Variants in HS6ST3 observed in about 807,000 individuals in gnomAD.
The protein encoded by HS6ST3 is heparan-sulfate 6-O-sulfotransferase 3.
Under a neutral mutation model 36.7 loss-of-function variants are expected in HS6ST3, and 12 were observed. The ratio of observed to expected loss-of-function variants is 0.33; its 90% CI spans 0.21 to 0.53. HS6ST3 has a LOEUF of 0.53. Ranked by LOEUF, HS6ST3 falls within the 20% of genes least tolerant of loss-of-function variation. The pLI is 0.95. For synonymous variants in HS6ST3, 240 were observed against 257.5 expected (o/e 0.93, Z 0.65); for missense variants, 584 against 640.9 (o/e 0.91, Z 0.96).
chr13:96,567,287 A>G (rs1314339780), intron 1 of HS6ST3, among the ~76,000 whole-genome samples: 1 of 152,154 alleles, frequency 6.6e-6, no homozygotes, highest in East Asian at 1.9e-4. Flanking sequence ...ACCCACTCAT[A>G]ATCACATCAC....
chr13:96,112,972 C>A (rs1054852114), intron 1 of HS6ST3, among the ~76,000 whole-genome samples: 3 of 151,934 alleles, frequency 2.0e-5, no homozygotes, highest in Non-Finnish European at 4.4e-5. Flanking sequence ...TCACATAGAG[C>A]AGGAGCAGAT....
intron 1 of HS6ST3, among the ~76,000 whole-genome samples, chr13:96,714,733 A>G (rs896677482): frequency 6.6e-6 from 1 of 152,148 alleles, no homozygotes; most frequent in African/African-American, 2.4e-5. Context: ...GGGTCTTGCT[A>G]TGTCATCCAG....
At chr13:96,543,177 T>C (rs545973038) in intron 1 of HS6ST3, among the ~76,000 whole-genome samples, 1 of 152,298 alleles carries the variant, frequency 6.6e-6, no homozygotes, top group Non-Finnish European at 1.5e-5. Flanking sequence ...TTATGGAGGA[T>C]GCAGCAGCTC....
chr13:96,467,884 G>C (rs748384704), intron 1 of HS6ST3, among the ~76,000 whole-genome samples: 1 of 152,112 alleles, frequency 6.6e-6, no homozygotes, highest in Non-Finnish European at 1.5e-5. Context: ...CCCAGTACAC[G>C]TGTGGCATTC....
At chr13:96,216,287 A>C (rs1418366948) in intron 1 of HS6ST3, among the ~76,000 whole-genome samples, 1 of 152,118 alleles carries the variant, frequency 6.6e-6, no homozygotes, top group Non-Finnish European at 1.5e-5. Flanking sequence ...TTTTCACATA[A>C]CCAAAGTCCT....
At chr13:96,117,902 C>T (rs905226952) in intron 1 of HS6ST3, among the ~76,000 whole-genome samples, 3 of 151,688 alleles carry the variant, frequency 2.0e-5, no homozygotes, top group African/African-American at 7.3e-5. Context: ...TGGAGTCTCC[C>T]TCTGTCACCC....
chr13:96,173,669 TAAAAAAAA>T (rs5805954), intron 1 of HS6ST3, among the ~76,000 whole-genome samples: 1 of 94,866 alleles, frequency 1.1e-5, no homozygotes, highest in Admixed American at 1.3e-4. Context: ...TCACAGGTTG[TAAAAAAAA>T]AAAAAAAAAA....
chr13:96,723,446 T>C (rs1875904684), intron 1 of HS6ST3, among the ~76,000 whole-genome samples: 1 of 152,164 alleles, frequency 6.6e-6, no homozygotes, highest in Non-Finnish European at 1.5e-5. Context: ...GCACTGCCTA[T>C]GCCCAGTTTC....
In HS6ST3 at chr13:96,699,733, C is replaced by T. The variant is rs184689002; in HGVS notation, c.708-132757C>T. Among the ~76,000 whole-genome samples, 830 of 152,288 alleles carry T rather than the reference C, an allele frequency of 5.5e-3. 4 individuals carry two copies. The highest frequency in any genetic ancestry group is 0.019 in the African/African-American group (782 of 41,558). ...AGAAATACCATTTGACCCAGCCATCCCATTACTGGGTATATACCCAAAGGA... is the reference window on the plus strand; with the variant it reads ...AGAAATACCATTTGACCCAGCCATCTCATTACTGGGTATATACCCAAAGGA... On this transcript the variant is annotated intron_variant, in intron 1 of 1. Coordinates refer to ENST00000376705, the MANE Select transcript of HS6ST3 (RefSeq NM_153456.4).
At chr13:96,354,648 A>G (rs2055200900) in intron 1 of HS6ST3, among the ~76,000 whole-genome samples, 1 of 152,206 alleles carries the variant, frequency 6.6e-6, no homozygotes, top group African/African-American at 2.4e-5. Context: ...ATAATAATGT[A>G]CATGTTACCA....
chr13:96,231,546 AC>A (rs1442590064), intron 1 of HS6ST3, among the ~76,000 whole-genome samples: 2 of 152,000 alleles, frequency 1.3e-5, no homozygotes, highest in African/African-American at 4.8e-5. Flanking sequence ...CATTTAAACA[AC>A]CAGATCTCAT....
chr13:96,287,231 T>G (rs1213148344), intron 1 of HS6ST3, among the ~76,000 whole-genome samples: 1 of 152,178 alleles, frequency 6.6e-6, no homozygotes, highest in Admixed American at 6.5e-5. Context: ...AAAATCTAAA[T>G]GAATTATTTT....
intron 1 of HS6ST3, among the ~76,000 whole-genome samples, chr13:96,398,755 T>C (rs1384623092): frequency 6.6e-6 from 1 of 152,176 alleles, no homozygotes; most frequent in Non-Finnish European, 1.5e-5. Flanking sequence ...CCAGCTGATA[T>C]AAAACGGGAA....
intron 1 of HS6ST3, among the ~76,000 whole-genome samples, chr13:96,605,344 A>G (rs1034133070): frequency 1.3e-5 from 2 of 152,134 alleles, no homozygotes; most frequent in South Asian, 4.1e-4. Context: ...TTACTGCACT[A>G]ATCATCATGC....
At chr13:96,405,143 G>A (rs768338986) in intron 1 of HS6ST3, among the ~76,000 whole-genome samples, 2 of 152,164 alleles carry the variant, frequency 1.3e-5, no homozygotes, top group Non-Finnish European at 2.9e-5. Flanking sequence ...GTGTTTATCA[G>A]CAGCATGAAA....
At chr13:96,791,847 C>A (rs973769137) in intron 1 of HS6ST3, among the ~76,000 whole-genome samples, 2 of 151,854 alleles carry the variant, frequency 1.3e-5, no homozygotes, top group African/African-American at 4.8e-5. Context: ...AAGGGTTTGC[C>A]TGTTTACTTT....
rs2053752923 is a variant in HS6ST3, at chr13:96,090,133, C to T, written c.-730C>T. On this transcript the variant is annotated 5_prime_UTR_variant, in exon 1 of 2. Transcript: ENST00000376705. ...CACCGGCTGGCGGGTTGTGGCGGTGCCAGCCTGTGTGTGCGAGTGTGTCTG... is the reference window on the plus strand; with the variant it reads ...CACCGGCTGGCGGGTTGTGGCGGTGTCAGCCTGTGTGTGCGAGTGTGTCTG... Among the ~76,000 whole-genome samples, 1 of 152,062 alleles carries T rather than the reference C, an allele frequency of 6.6e-6. No homozygotes were observed. The highest frequency in any genetic ancestry group is 2.1e-4 in the South Asian group (1 of 4,824).
intron 1 of HS6ST3, among the ~76,000 whole-genome samples, chr13:96,343,512 G>C (rs2055139995): frequency 6.6e-6 from 1 of 152,108 alleles, no homozygotes. Flanking sequence ...TGATAATCCA[G>C]ACTGATCTCC....
intron 1 of HS6ST3, among the ~76,000 whole-genome samples, chr13:96,222,476 T>C (rs565880397): frequency 6.6e-6 from 1 of 152,328 alleles, no homozygotes; most frequent in South Asian, 2.1e-4. Context: ...AAGGTCAATA[T>C]CCAAGCAACG....
Sources: allele counts gnomAD v4.1 joint callset (sites outside exome capture counted in the v4.1 genomes callset), GRCh38; gene constraint gnomAD v4.1.1; transcripts MANE v1.5; gene names NCBI Gene and HGNC (gene_info 2026-07-23, HGNC 2026-07-21).